Variants in FCHSD2 observed in about 807,000 individuals in gnomAD.
FCHSD2 encodes the protein F-BAR and double SH3 domains protein 2.
In FCHSD2, 38 loss-of-function variants were observed where a neutral mutation model predicts 108.1. The observed-to-expected ratio is 0.35, with a 90% CI of 0.27 to 0.46. The LOEUF (loss-of-function observed/expected upper bound fraction) is 0.46, where lower values mean the gene tolerates loss of function less well. FCHSD2 is among the 20% of genes least tolerant of loss of function. The pLI, the probability that FCHSD2 is intolerant of heterozygous loss-of-function variation, is 1.00. For missense variants in FCHSD2, 751 were observed against 897.8 expected (o/e 0.84, Z 2.09); for synonymous variants, 279 against 314.7 (o/e 0.89, Z 1.20).
At chr11:72,945,162 A>G (rs1435587701) in intron 8 of FCHSD2, among the ~76,000 whole-genome samples, 1 of 152,246 alleles carries the variant, frequency 6.6e-6, no homozygotes, top group East Asian at 1.9e-4. Flanking sequence ...CTACAAGGCT[A>G]CAGTAACCAA....
chr11:72,854,825 C>T (rs919380508), intron 13 of FCHSD2, among the ~76,000 whole-genome samples: 7 of 152,204 alleles, frequency 4.6e-5, no homozygotes, highest in African/African-American at 1.7e-4. Flanking sequence ...GAAAGTTTTA[C>T]TTTTGCTAGA....
At chr11:72,980,521 A>G (rs1266967771) in intron 8 of FCHSD2, among the ~76,000 whole-genome samples, 1 of 152,088 alleles carries the variant, frequency 6.6e-6, no homozygotes, top group Non-Finnish European at 1.5e-5. Flanking sequence ...ATGAGAAAGG[A>G]TAACATGTAT....
At position 73,068,907 on chromosome 11, in the gene FCHSD2, T is replaced by G. The variant is rs186249879; in HGVS notation, c.165+14788A>C. On this transcript the variant is annotated intron_variant, in intron 3 of 19. Coordinates refer to ENST00000409418, the MANE Select transcript of FCHSD2 (RefSeq NM_014824.3). ...GCATGTGCCTGTAGTCCCAGCTACT[T>G]GGGAGGCTGAGGTAGGAGGATGGCT... 4.3e-3 allele frequency among the ~76,000 whole-genome samples: 619 copies of G among 142,952 alleles called. 2 individuals carry two copies. The highest frequency in any genetic ancestry group is 0.015 in the African/African-American group (587 of 38,304). The allele number at this position is 142,952 out of a possible 152,430, so 93.8% of individuals were successfully genotyped here.
intron 8 of FCHSD2, 70 bp from the exon 9 acceptor site, chr11:72,922,020 T>C: frequency 1.8e-6 from 2 of 1,109,138 alleles, no homozygotes; most frequent in African/African-American, 1.6e-5. Context: ...CTTCTGCCTA[T>C]GAGAAAAGTA....
intron 8 of FCHSD2, among the ~76,000 whole-genome samples, chr11:72,969,185 G>C (rs1856966205): frequency 6.6e-6 from 1 of 152,166 alleles, no homozygotes; most frequent in Non-Finnish European, 1.5e-5. Context: ...GTCAAAATCA[G>C]TGTTAACAGT....
At chr11:72,885,533 CT>C (rs1372004857) in intron 12 of FCHSD2, among the ~76,000 whole-genome samples, 8 of 152,230 alleles carry the variant, frequency 5.3e-5, no homozygotes, top group African/African-American at 1.9e-4. Flanking sequence ...CCTACTACTG[CT>C]ACTACTGGGG....
chr11:72,883,263 T>C (rs1855126678), intron 12 of FCHSD2, among the ~76,000 whole-genome samples: 1 of 152,154 alleles, frequency 6.6e-6, no homozygotes, highest in African/African-American at 2.4e-5. Context: ...ATCACAACCT[T>C]GATCAGGCAA....
At chr11:72,944,470 T>C (rs901489712) in intron 8 of FCHSD2, among the ~76,000 whole-genome samples, 12 of 152,140 alleles carry the variant, frequency 7.9e-5, no homozygotes, top group Admixed American at 1.3e-4. Context: ...ACTGGAAGCA[T>C]TCCCTTTGAA....
chr11:72,887,278 T>C (rs929166230), intron 12 of FCHSD2, among the ~76,000 whole-genome samples, 192 bp downstream of exon 12: 3 of 152,224 alleles, frequency 2.0e-5, no homozygotes, highest in African/African-American at 7.2e-5. Context: ...CTGTAAACTT[T>C]ACAGCATCTT....
At chr11:72,891,278 G>A (rs1483899932) in intron 10 of FCHSD2, among the ~76,000 whole-genome samples, 1 of 152,210 alleles carries the variant, frequency 6.6e-6, no homozygotes, top group Middle Eastern at 3.2e-3. Flanking sequence ...GATAGAGTAA[G>A]TAGAAATTGA....
At chr11:72,961,382 C>T (rs1435828420) in intron 8 of FCHSD2, among the ~76,000 whole-genome samples, 2 of 151,248 alleles carry the variant, frequency 1.3e-5, no homozygotes, top group Admixed American at 6.6e-5. Context: ...TACCATCATG[C>T]CTGGTTTATT....
intron 3 of FCHSD2, among the ~76,000 whole-genome samples, chr11:73,076,820 G>T (rs904523243): frequency 1.3e-5 from 2 of 152,058 alleles, no homozygotes; most frequent in African/African-American, 4.8e-5. Flanking sequence ...ATAAGAGTTT[G>T]TTATGCTAGG....
At chr11:73,047,367 T>C (rs144333124) in intron 3 of FCHSD2, among the ~76,000 whole-genome samples, 50 of 152,206 alleles carry the variant, frequency 3.3e-4, no homozygotes, top group African/African-American at 1.2e-3. Flanking sequence ...TTATTCAAGG[T>C]TATAAGAAAA....
chr11:73,083,072 A>G (rs1007065131), intron 3 of FCHSD2, among the ~76,000 whole-genome samples: 1 of 152,242 alleles, frequency 6.6e-6, no homozygotes, highest in African/African-American at 2.4e-5. Context: ...ATGAAAAATT[A>G]ACCTTTCATA....
intron 3 of FCHSD2, among the ~76,000 whole-genome samples, chr11:73,057,289 C>A (rs1859048885): frequency 6.6e-6 from 1 of 152,016 alleles, no homozygotes; most frequent in African/African-American, 2.4e-5. Context: ...AGGTTCGAAG[C>A]ATGGGCACTG....
chr11:73,065,097 G>A (rs949435817), intron 3 of FCHSD2, among the ~76,000 whole-genome samples: 24 of 152,140 alleles, frequency 1.6e-4, no homozygotes, highest in African/African-American at 5.5e-4. Flanking sequence ...ACATCAATGC[G>A]AAAATCCTCA....
chr11:73,127,856 C>T (rs569043960), intron 2 of FCHSD2, among the ~76,000 whole-genome samples: 3 of 126,150 alleles, frequency 2.4e-5, no homozygotes, highest in South Asian at 6.1e-4. Flanking sequence ...GGTTGGGGGG[C>T]GGGGGTGGGA....
intron 8 of FCHSD2, among the ~76,000 whole-genome samples, chr11:72,962,612 A>G (rs201018083): frequency 7.4e-6 from 1 of 135,004 alleles, no homozygotes; most frequent in South Asian, 2.4e-4. Context: ...TTTTTTTTTT[A>G]AACTAAGAAT....
intron 8 of FCHSD2, among the ~76,000 whole-genome samples, chr11:72,948,833 T>C (rs999430109): frequency 1.3e-5 from 2 of 151,880 alleles, no homozygotes; most frequent in Non-Finnish European, 2.9e-5. Context: ...GCCTGGCTAA[T>C]TTTTTATATT....
Sources: gnomAD v4.1 joint callset for allele counts (sites outside exome capture counted in the v4.1 genomes callset) on GRCh38, gnomAD v4.1.1 for gene constraint, MANE v1.5 for transcripts, NCBI Gene and HGNC (gene_info 2026-07-23, HGNC 2026-07-21) for gene names.